The following THADA variants were observed in gnomAD, a reference collection of about 807,000 sequenced individuals.
THADA encodes the protein tRNA (32-2'-O)-methyltransferase regulator THADA.
In THADA, 213 loss-of-function variants were observed where a neutral mutation model predicts 219.8. The observed-to-expected ratio is 0.97, with a 90% CI of 0.87 to 1.09. THADA has a LOEUF of 1.09. THADA is among the 50% of genes least tolerant of loss of function. The pLI, the probability that THADA is intolerant of heterozygous loss-of-function variation, is 0.00. For missense variants in THADA, 2,956 were observed against 2,311.3 expected (o/e 1.28, Z -5.72); for synonymous variants, 1,018 against 828.9 (o/e 1.23, Z -3.92).
At chr2:43,402,691 A>AT (rs1675006989) in intron 28 of THADA, among the ~76,000 whole-genome samples, 1 of 152,216 alleles carries the variant, frequency 6.6e-6, no homozygotes, top group African/African-American at 2.4e-5. Flanking sequence ...AGAGAAAATC[A>AT]CTGCCTAGGC....
At chr2:43,544,673 G>C (rs1426950087) in intron 20 of THADA, among the ~76,000 whole-genome samples, 1 of 150,906 alleles carries the variant, frequency 6.6e-6, no homozygotes, top group East Asian at 1.9e-4. Flanking sequence ...TTGGCTCTCT[G>C]TTTGTCTGTT....
chr2:43,586,542 G>T, intron 6 of THADA, 93 bp from the exon 7 acceptor site: 8 of 1,337,296 alleles, frequency 6.0e-6, no homozygotes, highest in Non-Finnish European at 8.1e-6. Context: ...TATCCAAAAT[G>T]ATATCATGAT....
intron 31 of THADA, among the ~76,000 whole-genome samples, chr2:43,310,165 AT>A (rs1446463754): frequency 6.6e-6 from 1 of 150,886 alleles, no homozygotes; most frequent in African/African-American, 2.5e-5. Flanking sequence ...ATTTAATGCA[AT>A]CCCTATCAAG....
At chr2:43,248,385 A>T (rs1669479847) in intron 36 of THADA, among the ~76,000 whole-genome samples, 1 of 151,766 alleles carries the variant, frequency 6.6e-6, no homozygotes, top group African/African-American at 2.4e-5. Flanking sequence ...GTGCACCACC[A>T]TGCCTGGCTA....
intron 10 of THADA, among the ~76,000 whole-genome samples, 176 bp from the exon 11 acceptor site, chr2:43,575,203 T>C (rs1244199766): frequency 1.3e-5 from 2 of 152,244 alleles, no homozygotes; most frequent in East Asian, 3.8e-4. Context: ...CAAATTTGTA[T>C]ATGATTCTTT....
intron 28 of THADA, among the ~76,000 whole-genome samples, chr2:43,413,429 G>A (rs760424874): frequency 1.3e-5 from 2 of 152,156 alleles, no homozygotes; most frequent in Non-Finnish European, 2.9e-5. Context: ...ACCTAATACA[G>A]CAGCATAAGG....
intron 31 of THADA, among the ~76,000 whole-genome samples, chr2:43,302,016 CTG>C (rs1676321085): frequency 6.6e-6 from 1 of 151,732 alleles, no homozygotes; most frequent in Non-Finnish European, 1.5e-5. Context: ...CTTTAGCAGA[CTG>C]TAATTTTTAA....
chr2:43,422,678 T>C lies in THADA; in HGVS notation c.4058+5422A>G, dbSNP rs553710173. 6.6e-5 allele frequency among the ~76,000 whole-genome samples: 10 copies of C among 152,306 alleles called. No homozygotes were observed. In the East Asian group the frequency reaches 1.9e-3, roughly 29 times the overall value. Reference sequence around the variant, plus strand: ...AAAATCAGAATGATATATATCTCTATTAAATGTTATCTTGATAGTCTCATC... The same window carrying C: ...AAAATCAGAATGATATATATCTCTACTAAATGTTATCTTGATAGTCTCATC... On this transcript the variant is annotated intron_variant, in intron 28 of 37. Transcript: ENST00000405975.
chr2:43,257,378 G>A (rs1288182784), intron 36 of THADA, among the ~76,000 whole-genome samples: 2 of 152,244 alleles, frequency 1.3e-5, no homozygotes, highest in Admixed American at 6.5e-5. Context: ...GCTTCTCACT[G>A]CATAGGAGTC....
intron 35 of THADA, among the ~76,000 whole-genome samples, chr2:43,283,359 A>G (rs1673593502): frequency 6.6e-6 from 1 of 152,244 alleles, no homozygotes; most frequent in Admixed American, 6.5e-5. Flanking sequence ...TTTCCACCTG[A>G]AAATGTGGAA....
At chr2:43,538,915 T>TA (rs1164034721) in intron 21 of THADA, among the ~76,000 whole-genome samples, 1 of 152,156 alleles carries the variant, frequency 6.6e-6, no homozygotes, top group African/African-American at 2.4e-5. Context: ...TATACTCCTA[T>TA]ATGGGGGATT....
chr2:43,578,355 C>T (rs1370321254), intron 9 of THADA, among the ~76,000 whole-genome samples, 158 bp downstream of exon 9: 2 of 151,668 alleles, frequency 1.3e-5, no homozygotes, highest in African/African-American at 2.4e-5. Context: ...CTAAACTCCC[C>T]AGGCTAATCT....
At chr2:43,560,759 G>A (rs1697963151) in intron 15 of THADA, among the ~76,000 whole-genome samples, 1 of 152,120 alleles carries the variant, frequency 6.6e-6, no homozygotes, top group Non-Finnish European at 1.5e-5. Context: ...GCTCACACCT[G>A]TAATCCCAGC....
At chr2:43,291,473 A>AAAAAAAAAAAAAAAAAAC (rs1558527804) in intron 34 of THADA, among the ~76,000 whole-genome samples, 12 of 146,854 alleles carry the variant, frequency 8.2e-5, no homozygotes, top group African/African-American at 3.0e-4. Flanking sequence ...AAAAAAAAAA[A>AAAAAAAAAAAAAAAAAAC]AAAAAAAAAT....
intron 24 of THADA, among the ~76,000 whole-genome samples, chr2:43,505,381 C>CA (rs772107275): frequency 1.3e-5 from 2 of 151,612 alleles, no homozygotes; most frequent in Non-Finnish European, 2.9e-5. Flanking sequence ...GTCCAATGTT[C>CA]AAGAGTTCTT....
chr2:43,460,600 A>G (rs1683522908), intron 26 of THADA, among the ~76,000 whole-genome samples: 1 of 152,202 alleles, frequency 6.6e-6, no homozygotes, highest in African/African-American at 2.4e-5. Context: ...TATATTAAAC[A>G]TTATGTTAAG....
intron 16 of THADA, among the ~76,000 whole-genome samples, chr2:43,560,010 T>C (rs1389716888): frequency 6.6e-6 from 1 of 152,166 alleles, no homozygotes; most frequent in African/African-American, 2.4e-5. Context: ...ATCAAAGCAA[T>C]AAAAACAGCA....
chr2:43,336,119 G>C (rs1666397333), intron 30 of THADA, among the ~76,000 whole-genome samples: 1 of 151,478 alleles, frequency 6.6e-6, no homozygotes, highest in Non-Finnish European at 1.5e-5. Context: ...AGTTAGCCAG[G>C]TCCAGTGGCA....
chr2:43,561,858 A>G (rs1229527672), intron 15 of THADA, among the ~76,000 whole-genome samples: 3 of 152,186 alleles, frequency 2.0e-5, no homozygotes, highest in African/African-American at 7.2e-5. Flanking sequence ...GTTTCTCACC[A>G]GTGAGTGTGA....
Sources: allele counts gnomAD v4.1 joint callset (sites outside exome capture counted in the v4.1 genomes callset), GRCh38; gene constraint gnomAD v4.1.1; transcripts MANE v1.5; gene names NCBI Gene and HGNC (gene_info 2026-07-23, HGNC 2026-07-21).